ANKS1A: variants seen among roughly 807,000 people sequenced by gnomAD.
ANKS1A encodes ankyrin repeat and sterile alpha motif domain containing 1A.
A neutral mutation model predicts 120.3 loss-of-function variants in ANKS1A; 55 were observed. The ratio of observed to expected loss-of-function variants is 0.46; its 90% confidence interval spans 0.37 to 0.57. The LOEUF (loss-of-function observed/expected upper bound fraction) is 0.57, where lower values mean the gene tolerates loss of function less well. Among genes scored for constraint, ANKS1A ranks in the 20% least tolerant of loss-of-function variants. The probability of loss-of-function intolerance (pLI) is 0.00; values close to 1 mark genes in which losing one functional copy is unlikely to be tolerated. For missense variants in ANKS1A, 1,123 were observed against 1,480.3 expected (o/e 0.76, Z 3.96); for synonymous variants, 590 against 604.7 (o/e 0.98, Z 0.36).
In ANKS1A at chr6:35,083,152, C is replaced by G; in HGVS notation, c.2836-3C>G. 1.2e-6 allele frequency: 2 copies of G among 1,614,014 alleles called. No individual in the cohort carries two copies. The highest frequency in any genetic ancestry group is 1.7e-6 in the Non-Finnish European group (2 of 1,179,904). ...TAAGCCTGGCCACTGCTCGCCCCCA[C>G]AGTATCTGGGCTCCATGCTGATCAA... On this transcript the variant is annotated splice_region_variant and splice_polypyrimidine_tract_variant and intron_variant, in intron 18 of 23. Coordinates refer to ENST00000360359, the MANE Select transcript of ANKS1A (RefSeq NM_015245.3).
Position 35,060,117 on chromosome 6 carries a change from T to C in ANKS1A, c.2078-30T>C, listed in dbSNP as rs1252896302. ...TACCGCCTTAATGGTTTTTCCCTTT[T>C]CAAGCGTCTGCCGATTCCTCTCTCA... On this transcript the variant is annotated intron_variant, in intron 12 of 23. Transcript: ENST00000360359. This position sits in a 1 kb window ranked among gnomAD's most constrained non-coding sequence, Gnocchi z 4.5. 6.3e-7 allele frequency: 1 copy of C among 1,590,886 alleles called. No homozygotes were observed. Among genetic ancestry groups the C allele is most frequent in the Admixed American group, 1.7e-5 (1 of 58,360 alleles).
intron 11 of ANKS1A, among the ~76,000 whole-genome samples, chr6:35,052,376 A>G (rs952296514): frequency 6.6e-6 from 1 of 151,998 alleles, no homozygotes; most frequent in African/African-American, 2.4e-5. Flanking sequence ...ACTTGGGCTC[A>G]GGAGGTCAAG....
intron 1 of ANKS1A, among the ~76,000 whole-genome samples, chr6:34,964,138 T>G (rs1417877350): frequency 1.3e-5 from 2 of 152,212 alleles, no homozygotes; most frequent in Non-Finnish European, 2.9e-5. Context: ...AAATTTATCT[T>G]ACGATTCTAA....
intron 1 of ANKS1A, among the ~76,000 whole-genome samples, chr6:34,925,225 T>C (rs1486659653): frequency 6.6e-6 from 1 of 152,230 alleles, no homozygotes; most frequent in Non-Finnish European, 1.5e-5. Flanking sequence ...AAATGATTAA[T>C]TAAAAGTCTT....
At chr6:34,975,332 T>TAA (rs1771507614) in intron 3 of ANKS1A, among the ~76,000 whole-genome samples, 1 of 151,814 alleles carries the variant, frequency 6.6e-6, no homozygotes, top group Non-Finnish European at 1.5e-5. Flanking sequence ...CATGTGCCTA[T>TAA]AATCCCAGCT....
chr6:35,052,340 A>G (rs915039184), intron 11 of ANKS1A, among the ~76,000 whole-genome samples: 3 of 151,958 alleles, frequency 2.0e-5, no homozygotes, highest in Non-Finnish European at 2.9e-5. Context: ...AGTCCCAGCT[A>G]CTAGGGAGGC....
At chr6:35,005,788 C>T in intron 10 of ANKS1A, 3 of 447,100 alleles carry the variant, frequency 6.7e-6, no homozygotes, top group Non-Finnish European at 1.3e-5. Flanking sequence ...CATGGTGGCT[C>T]ATGCCTGTAA....
At chr6:34,962,501 C>T (rs1306765234) in intron 1 of ANKS1A, among the ~76,000 whole-genome samples, 1 of 152,146 alleles carries the variant, frequency 6.6e-6, no homozygotes, top group African/African-American at 2.4e-5. Context: ...TAAAAACCAA[C>T]TCTTGGCCAG....
intron 3 of ANKS1A, among the ~76,000 whole-genome samples, chr6:34,980,191 G>A (rs150992774): frequency 2.0e-5 from 3 of 152,260 alleles, no homozygotes; most frequent in Non-Finnish European, 4.4e-5. Context: ...CAGGCCGGCT[G>A]TATCCTCTGG....
intron 8 of ANKS1A, among the ~76,000 whole-genome samples, chr6:34,988,070 G>T (rs897448179): frequency 1.3e-5 from 2 of 152,190 alleles, no homozygotes; most frequent in African/African-American, 4.8e-5. Context: ...GTTTACCCAT[G>T]ATCTAACTTA....
chr6:34,902,647 A>G (rs1158895927), intron 1 of ANKS1A, among the ~76,000 whole-genome samples: 1 of 150,348 alleles, frequency 6.7e-6, no homozygotes, highest in African/African-American at 2.4e-5. Context: ...GTCTTTTTAA[A>G]AGATGTCTTT....
chr6:34,901,143 G>A (rs1021001673), intron 1 of ANKS1A, among the ~76,000 whole-genome samples: 2 of 151,836 alleles, frequency 1.3e-5, no homozygotes, highest in Admixed American at 1.3e-4. Context: ...CAGGGCCAAA[G>A]TTTGTACAGG....
At chr6:34,991,755 CATATATATAT>C (rs1314721294) in intron 9 of ANKS1A, among the ~76,000 whole-genome samples, 2 of 24,780 alleles carry the variant, frequency 8.1e-5, no homozygotes, top group Admixed American at 4.6e-4. Context: ...TATATACACA[CATATATATAT>C]ACACATATAT....
chr6:34,953,787 C>T (rs766286213), intron 1 of ANKS1A, among the ~76,000 whole-genome samples: 2 of 152,102 alleles, frequency 1.3e-5, no homozygotes, highest in African/African-American at 2.4e-5. Context: ...GGCACAGTGC[C>T]TGTTGTCATG....
chr6:34,929,269 G>A (rs1218679476), intron 1 of ANKS1A, among the ~76,000 whole-genome samples: 2 of 151,976 alleles, frequency 1.3e-5, no homozygotes, highest in Non-Finnish European at 2.9e-5. Flanking sequence ...GTCCTTTTTG[G>A]TTACATTTTA....
chr6:34,949,859 T>C (rs918251452), intron 1 of ANKS1A, among the ~76,000 whole-genome samples: 3 of 152,072 alleles, frequency 2.0e-5, no homozygotes, highest in African/African-American at 7.2e-5. Flanking sequence ...CAGTGGGGAG[T>C]AATTGATGTT....
chr6:34,940,424 T>C (rs1411694919), intron 1 of ANKS1A, among the ~76,000 whole-genome samples: 4 of 152,134 alleles, frequency 2.6e-5, no homozygotes, highest in Non-Finnish European at 5.9e-5. Context: ...GGGAATCTGC[T>C]TGTGACACAC....
Position 34,982,924 on chromosome 6 carries a change from C to T in ANKS1A, c.808+97C>T. The T allele has an allele frequency of 6.9e-7, 1 of 1,457,186 alleles. No homozygotes were observed. Among genetic ancestry groups the T allele is most frequent in the Non-Finnish European group, 9.6e-7 (1 of 1,040,192 alleles). 90.3% of individuals were successfully genotyped at this position (1,457,186 alleles called of 1,614,324 possible). A position where few individuals can be genotyped will look rare whatever the true frequency, so the allele number is the denominator to read the frequency against. Reference sequence around the variant, plus strand: ...GGGATTTTTGCTGGCTGTGTTTGAACTCAATGTATGTGTATCTCCACTGGT... The same window carrying T: ...GGGATTTTTGCTGGCTGTGTTTGAATTCAATGTATGTGTATCTCCACTGGT... On this transcript the variant is annotated intron_variant, in intron 5 of 23. Coordinates refer to ENST00000360359, the MANE Select transcript of ANKS1A (RefSeq NM_015245.3). The surrounding 1 kb of genome is among the most constrained non-coding windows in gnomAD (Gnocchi z 4.9).
At chr6:35,075,382 TCTAA>T (rs1472315517) in intron 13 of ANKS1A, among the ~76,000 whole-genome samples, 1 of 151,530 alleles carries the variant, frequency 6.6e-6, no homozygotes, top group Non-Finnish European at 1.5e-5. Context: ...AAAACAAATA[TCTAA>T]CTCATTTCAT....
Sources: allele counts gnomAD v4.1 joint callset (sites outside exome capture counted in the v4.1 genomes callset), GRCh38; gene constraint gnomAD v4.1.1; non-coding constraint Gnocchi (gnomAD v3.1); transcripts MANE v1.5; gene names NCBI Gene and HGNC (gene_info 2026-07-23, HGNC 2026-07-21).